Variants in HACE1 observed in about 807,000 individuals in gnomAD.
HACE1 encodes the protein E3 ubiquitin-protein ligase HACE1.
In HACE1, 73 loss-of-function variants were observed where a neutral mutation model predicts 118.4. The ratio of observed to expected loss-of-function variants is 0.62; its 90% CI spans 0.51 to 0.75. HACE1 has a LOEUF of 0.75. Among genes scored for constraint, HACE1 ranks in the 30% least tolerant of loss-of-function variants. HACE1 has a pLI of 0.00. For synonymous variants in HACE1, 368 were observed against 374.8 expected, an observed-to-expected ratio of 0.98 and a Z score of 0.21; for missense variants, 749 against 1,102.2, an observed-to-expected ratio of 0.68 and a Z score of 4.54.
chr6:104,814,264 G>A (rs1771898274), intron 6 of HACE1, among the ~76,000 whole-genome samples: 1 of 137,496 alleles, frequency 7.3e-6, no homozygotes, highest in South Asian at 2.2e-4. Context: ...GACCTTCAAC[G>A]AGGCATGTCA....
chr6:104,825,997 G>C (rs1773291714), intron 6 of HACE1, among the ~76,000 whole-genome samples: 1 of 152,182 alleles, frequency 6.6e-6, no homozygotes, highest in African/African-American at 2.4e-5. Context: ...TGGCAGGCAA[G>C]TGAACATCAC....
At position 104,777,052 on chromosome 6, in the gene HACE1, C is replaced by T; in HGVS notation, c.1737G>A (p.Lys579=). The T allele has an allele frequency of 6.2e-7, 1 of 1,613,030 alleles. No homozygotes were observed. Among genetic ancestry groups the T allele is most frequent in the Non-Finnish European group, 8.5e-7 (1 of 1,179,184 alleles). ...CATGGAACCGTACAGCAATCCCTTGCTTTAGCTTTGCACAATTTGCTTTTG... is the reference window on the plus strand; with the variant it reads ...CATGGAACCGTACAGCAATCCCTTGTTTTAGCTTTGCACAATTTGCTTTTG... The part of the protein sequence containing the change: ...VVSKANCAKL[K]QGIAVRFHGE... The change falls in exon 16 of 24, where the codon AAG becomes AAA. Residue 579 remains lysine, a synonymous_variant. Transcript: ENST00000262903.
At chr6:104,844,585 T>A (rs927495526) in intron 4 of HACE1, among the ~76,000 whole-genome samples, 1 of 151,124 alleles carries the variant, frequency 6.6e-6, no homozygotes, top group African/African-American at 2.4e-5. Context: ...CATCAGGTGA[T>A]CCACCCCCAC....
intron 22 of HACE1, 100 bp from the exon 23 acceptor site, chr6:104,730,516 A>AG (rs1375657480): frequency 5.6e-6 from 4 of 715,768 alleles, no homozygotes. Context: ...ATCCAACTCT[A>AG]GGACAATGAC....
intron 19 of HACE1, chr6:104,767,030 A>G (rs1780094554): frequency 1.3e-5 from 2 of 152,226 alleles, no homozygotes; most frequent in African/African-American, 4.8e-5. Flanking sequence ...AGTGCCTAGC[A>G]CATTATAAAA....
At position 104,859,663 on chromosome 6, in the gene HACE1, T is replaced by TCAGCCGCCCCACCGGCGG; in HGVS notation, c.-22_-21insCCGCCGGTGGGGCGGCTG. ...TCCATCCTCGGCGCGCCCTCCGCGATCCTCCGCGATCAGCCGCCCCACCGG... is the reference window on the plus strand; with the variant it reads ...TCCATCCTCGGCGCGCCCTCCGCGATCAGCCGCCCCACCGGCGGCCTCCGCGATCAGCCGCCCCACCGG... On this transcript the variant is annotated 5_prime_UTR_variant, in exon 1 of 24. Transcript: ENST00000262903. 6.5e-7 allele frequency: 1 copy of TCAGCCGCCCCACCGGCGG among 1,527,008 alleles called. No individual in the cohort carries two copies. The highest frequency in any genetic ancestry group is 8.8e-7 in the Non-Finnish European group (1 of 1,140,288). 94.6% of individuals were successfully genotyped at this position (1,527,008 alleles called of 1,614,324 possible).
intron 14 of HACE1, among the ~76,000 whole-genome samples, chr6:104,778,360 A>T (rs1490448843): frequency 6.6e-6 from 1 of 151,516 alleles, no homozygotes; most frequent in Non-Finnish European, 1.5e-5. Context: ...AGATGTGACT[A>T]ACACAGAGTA....
Position 104,777,304 on chromosome 6 carries a change from C to T in HACE1, c.1580G>A (p.Arg527His), listed in dbSNP as rs200377221. ...CAAATGTTCATAGAACCATTCACAG[C>T]GATCTTTAAAAGGCTAGCTCAAAAA... ...HIIKAQPFKD[R>H]CEWFYEHLHS... Residue 527 changes from arginine to histidine, a missense_variant, in exon 15 of 24, where the codon CGC (arginine) becomes CAC (histidine). Arg to His is a conservative substitution (Grantham distance 29). This residue lies in a region of HACE1 where 195 missense variants were observed against 322.1 expected (regional missense o/e 0.61). Coordinates refer to ENST00000262903, the MANE Select transcript of HACE1 (RefSeq NM_020771.4). 8 of 1,608,846 alleles carry T rather than the reference C, an allele frequency of 5.0e-6. No individual in the cohort carries two copies. In the Admixed American group the frequency reaches 6.7e-5, roughly 13 times the overall value.
chr6:104,811,217 T>A (rs1209050677), intron 7 of HACE1, 94 bp downstream of exon 7: 1 of 247,504 alleles, frequency 4.0e-6, no homozygotes, highest in Non-Finnish European at 7.5e-6. Flanking sequence ...ATTATATACA[T>A]CTGGAAATAT....
intron 7 of HACE1, 42 bp downstream of exon 7, chr6:104,811,269 T>TATATAC (rs748654343): frequency 4.7e-5 from 26 of 548,944 alleles, no homozygotes; most frequent in Non-Finnish European, 8.0e-5. Context: ...TATATATATA[T>TATATAC]ATATGAGCAT....
chr6:104,827,967 A>G (rs1582671320), intron 6 of HACE1, among the ~76,000 whole-genome samples: 1 of 152,286 alleles, frequency 6.6e-6, no homozygotes, highest in African/African-American at 2.4e-5. Context: ...TAAATAAATT[A>G]CAAATTAGTC....
chr6:104,789,307 C>T (rs572950242), intron 11 of HACE1, among the ~76,000 whole-genome samples: 3 of 151,980 alleles, frequency 2.0e-5, no homozygotes, highest in South Asian at 2.1e-4. Flanking sequence ...CTGAGTTTTA[C>T]AATTAGTGTT....
intron 10 of HACE1, among the ~76,000 whole-genome samples, chr6:104,792,715 T>A (rs541622888): frequency 6.6e-6 from 1 of 152,266 alleles, no homozygotes; most frequent in African/African-American, 2.4e-5. Context: ...GCTGGCAAAC[T>A]GAAAAACTGC....
chr6:104,833,232 G>A lies in HACE1; in HGVS notation c.403-59C>T, dbSNP rs988162513. ...AATAGTGTTTTATATAAAAACAGCA[G>A]ATAAATAATGTTATTTCTCAGCTGG... On this transcript the variant is annotated intron_variant, in intron 5 of 23. Transcript: ENST00000262903. 5.1e-5 allele frequency: 73 copies of A among 1,436,568 alleles called. 1 individual carries two copies. The South Asian group carries it at 7.7e-4, about 15-fold the overall frequency. The allele number at this position is 1,436,568 out of a possible 1,614,324, so 89.0% of individuals were successfully genotyped here. A position where few individuals can be genotyped will look rare whatever the true frequency, so the allele number is the denominator to read the frequency against.
At chr6:104,783,775 A>G (rs1295413172) in intron 14 of HACE1, among the ~76,000 whole-genome samples, 1 of 152,242 alleles carries the variant, frequency 6.6e-6, no homozygotes, top group Non-Finnish European at 1.5e-5. Flanking sequence ...ATGTTATGTA[A>G]TTTCCCAAAT....
chr6:104,830,970 T>C (rs1373151888), intron 6 of HACE1, among the ~76,000 whole-genome samples: 1 of 152,030 alleles, frequency 6.6e-6, no homozygotes, highest in Non-Finnish European at 1.5e-5. Flanking sequence ...CCACAACTCC[T>C]GGGCAAAGGG....
chr6:104,771,247 T>C lies in HACE1; in HGVS notation c.2157A>G (p.Glu719=). 6.2e-7 allele frequency: 1 copy of C among 1,613,764 alleles called. No homozygotes were observed. The highest frequency in any genetic ancestry group is 1.1e-5 in the South Asian group (1 of 91,074). Residue 719 remains glutamate, a synonymous_variant, in exon 19 of 24, where the codon GAA becomes GAG. Coordinates refer to ENST00000262903, the MANE Select transcript of HACE1 (RefSeq NM_020771.4). The stretch of plus-strand genomic sequence containing the variant: ...CACCCCCAGGTTTCAAAGGCACCTC[T>C]TCCATTGCTCCAAACACATCAGTCT... ...SVETDVFGAM[E]EVPLKPGGGS...
At chr6:104,847,021 A>C (rs1232032428) in intron 4 of HACE1, among the ~76,000 whole-genome samples, 1 of 152,214 alleles carries the variant, frequency 6.6e-6, no homozygotes, top group Non-Finnish European at 1.5e-5. Flanking sequence ...TCACCTTTAA[A>C]ATGTAATGGT....
At chr6:104,819,315 G>T (rs1772441613) in intron 6 of HACE1, among the ~76,000 whole-genome samples, 1 of 152,010 alleles carries the variant, frequency 6.6e-6, no homozygotes, top group Admixed American at 6.6e-5. Context: ...AAAAACCTAG[G>T]AATACAACTA....
Sources: gnomAD v4.1 joint callset for allele counts (sites outside exome capture counted in the v4.1 genomes callset) on GRCh38, gnomAD v4.1.1 for gene constraint, gnomAD v4.1.1 regional missense constraint, MANE v1.5 for transcripts, NCBI Gene and HGNC (gene_info 2026-07-23, HGNC 2026-07-21) for gene names.